The following ATXN7L1 variants were observed in gnomAD, a reference collection of about 807,000 sequenced individuals.
ATXN7L1 encodes ataxin-7-like protein 1.
A neutral mutation model predicts 70.8 loss-of-function variants in ATXN7L1; 15 were observed. The ratio of observed to expected loss-of-function variants is 0.21; its 90% CI spans 0.14 to 0.33. The LOEUF (loss-of-function observed/expected upper bound fraction) is 0.33. ATXN7L1 is among the 10% of genes least tolerant of loss of function. The pLI, the probability that ATXN7L1 is intolerant of heterozygous loss-of-function variation, is 1.00. For missense variants in ATXN7L1, 975 were observed against 1,097.1 expected (o/e 0.89, Z 1.57); for synonymous variants, 440 against 445.1 (o/e 0.99, Z 0.14).
At position 105,665,154 on chromosome 7, in the gene ATXN7L1, G is replaced by C; in HGVS notation, c.490C>G (p.Pro164Ala). 1.3e-6 allele frequency: 2 copies of C among 1,551,696 alleles called. No individual in the cohort carries two copies. The highest frequency in any genetic ancestry group is 1.2e-5 in the South Asian group (1 of 84,060). Reference protein sequence around the residue: ...GHHSASSTSKPFKTPKDNLLT... With the variant: ...GHHSASSTSKAFKTPKDNLLT... ...AGATTGTCTTTGGGCGTTTTGAATG[G>C]CTTTGAGGTGCTGCTGGCAGAGTGA... The change falls in exon 4 of 12, where the codon CCA (proline) becomes GCA (alanine). Residue 164 changes from proline to alanine, a missense_variant. Pro to Ala is a conservative substitution (Grantham distance 27). Coordinates refer to ENST00000419735, the MANE Select transcript of ATXN7L1 (RefSeq NM_020725.2).
chr7:105,651,500 A>G (rs1416504894), intron 4 of ATXN7L1, among the ~76,000 whole-genome samples: 1 of 152,136 alleles, frequency 6.6e-6, no homozygotes, highest in Non-Finnish European at 1.5e-5. Flanking sequence ...CCCACCGTGG[A>G]AGGAGGGGTG....
chr7:105,804,718 T>C (rs1486769078), intron 2 of ATXN7L1, among the ~76,000 whole-genome samples: 1 of 152,228 alleles, frequency 6.6e-6, no homozygotes, highest in Non-Finnish European at 1.5e-5. Flanking sequence ...CTAAGTGCTG[T>C]TCATTGATTG....
In ATXN7L1 at chr7:105,750,012, G is replaced by A. The variant is rs1424222133; in HGVS notation, c.355+38592C>T. Among the ~76,000 whole-genome samples, 5 of 151,800 alleles carry A rather than the reference G, an allele frequency of 3.3e-5. 1 individual carries two copies. Among genetic ancestry groups the A allele is most frequent in the East Asian group, 3.9e-4 (2 of 5,160 alleles). ...AAATCTTAATTTGCCTTTAACAGCTGTACCCCACAGGAACCTATGAGGTCT... is the reference window on the plus strand; with the variant it reads ...AAATCTTAATTTGCCTTTAACAGCTATACCCCACAGGAACCTATGAGGTCT... On this transcript the variant is annotated intron_variant, in intron 3 of 11. Coordinates refer to ENST00000419735, the MANE Select transcript of ATXN7L1 (RefSeq NM_020725.2).
chr7:105,697,516 T>C (rs1374015726), intron 3 of ATXN7L1, among the ~76,000 whole-genome samples: 1 of 152,246 alleles, frequency 6.6e-6, no homozygotes, highest in African/African-American at 2.4e-5. Context: ...TATCCTGTTC[T>C]TTTTTCAAGG....
intron 9 of ATXN7L1, chr7:105,618,246 T>C (rs953147170): frequency 3.4e-5 from 12 of 354,410 alleles, no homozygotes; most frequent in African/African-American, 2.4e-4. Context: ...GGCTGCCGTC[T>C]TGGGGAACAA....
At chr7:105,647,883 G>A (rs1185171543) in intron 4 of ATXN7L1, among the ~76,000 whole-genome samples, 1 of 152,156 alleles carries the variant, frequency 6.6e-6, no homozygotes, top group African/African-American at 2.4e-5. Context: ...GTCTGTGACT[G>A]TCTCCTAATT....
intron 2 of ATXN7L1, among the ~76,000 whole-genome samples, chr7:105,863,589 G>T (rs1401206548): frequency 2.6e-5 from 4 of 152,192 alleles, no homozygotes; most frequent in African/African-American, 9.7e-5. Flanking sequence ...CTCCTAGGAT[G>T]ACAGACATCA....
intron 4 of ATXN7L1, among the ~76,000 whole-genome samples, chr7:105,645,355 C>A (rs1353468698): frequency 6.6e-6 from 1 of 152,138 alleles, no homozygotes; most frequent in East Asian, 1.9e-4. Context: ...CTTCAATAAA[C>A]CTGACTTTAA....
At chr7:105,718,181 G>A (rs1258921175) in intron 3 of ATXN7L1, among the ~76,000 whole-genome samples, 1 of 152,146 alleles carries the variant, frequency 6.6e-6, no homozygotes, top group Non-Finnish European at 1.5e-5. Context: ...CGGCACCTTG[G>A]ATCGAGTCCT....
chr7:105,671,780 C>T (rs1413084354), intron 3 of ATXN7L1, among the ~76,000 whole-genome samples: 7 of 146,702 alleles, frequency 4.8e-5, no homozygotes, highest in Non-Finnish European at 1.0e-4. Context: ...GTCCCAGCTA[C>T]TTAGGAGGCT....
At chr7:105,777,285 C>T (rs4121452) in intron 3 of ATXN7L1, among the ~76,000 whole-genome samples, 6,360 of 152,194 alleles carry the variant, frequency 0.042, 460 homozygotes, top group African/African-American at 0.14. Context: ...AAAAATGGTG[C>T]CTGTTGGTGA....
At chr7:105,740,513 A>G (rs1055423983) in intron 3 of ATXN7L1, among the ~76,000 whole-genome samples, 1 of 152,188 alleles carries the variant, frequency 6.6e-6, no homozygotes, top group Non-Finnish European at 1.5e-5. Context: ...ACTCCCAGAG[A>G]TGCTAAACCG....
At chr7:105,720,624 A>G (rs1382030725) in intron 3 of ATXN7L1, among the ~76,000 whole-genome samples, 1 of 152,050 alleles carries the variant, frequency 6.6e-6, no homozygotes, top group Non-Finnish European at 1.5e-5. Flanking sequence ...ATCTCATTAC[A>G]TTGCCCAGGC....
intron 8 of ATXN7L1, among the ~76,000 whole-genome samples, chr7:105,622,876 C>G (rs116853793): frequency 1.2e-4 from 18 of 152,296 alleles, no homozygotes; most frequent in Non-Finnish European, 2.4e-4. Context: ...GGAGCAGCAG[C>G]TGACGTACAG....
intron 3 of ATXN7L1, among the ~76,000 whole-genome samples, chr7:105,688,645 C>T (rs1193280771): frequency 6.6e-6 from 1 of 152,210 alleles, no homozygotes; most frequent in East Asian, 1.9e-4. Flanking sequence ...GCCAATGAAG[C>T]CTTGTCTGGG....
At chr7:105,855,008 G>A (rs1815508472) in intron 2 of ATXN7L1, among the ~76,000 whole-genome samples, 1 of 149,256 alleles carries the variant, frequency 6.7e-6, no homozygotes, top group South Asian at 2.1e-4. Flanking sequence ...AGGCTGGAGT[G>A]CAGTGGTGTG....
At chr7:105,874,057 G>A (rs988157099) in intron 2 of ATXN7L1, among the ~76,000 whole-genome samples, 1 of 151,350 alleles carries the variant, frequency 6.6e-6, no homozygotes, top group South Asian at 2.1e-4. Flanking sequence ...CCCGGGAGGC[G>A]GAGGTTGCAG....
chr7:105,660,364 C>T (rs1203748637), intron 4 of ATXN7L1, among the ~76,000 whole-genome samples: 1 of 152,138 alleles, frequency 6.6e-6, no homozygotes, highest in Admixed American at 6.5e-5. Context: ...CCTCACTCCC[C>T]TACCCAGTTT....
At position 105,819,638 on chromosome 7, in the gene ATXN7L1, A is replaced by C. The variant is rs1453994408; in HGVS notation, c.251-30930T>G. 4.5e-6 allele frequency: 4 copies of C among 884,846 alleles called. No individual in the cohort carries two copies. In the East Asian group the frequency reaches 1.0e-4, roughly 23 times the overall value. 54.8% of individuals were successfully genotyped at this position (884,846 alleles called of 1,614,324 possible). ...TCATCATTTCTGGCCATTTCTACAGATACAAGTTGAAGTACCTGGTCTTCC... is the reference window on the plus strand; with the variant it reads ...TCATCATTTCTGGCCATTTCTACAGCTACAAGTTGAAGTACCTGGTCTTCC... On this transcript the variant is annotated intron_variant, in intron 2 of 11. Coordinates refer to ENST00000419735, the MANE Select transcript of ATXN7L1 (RefSeq NM_020725.2).
Sources: allele counts gnomAD v4.1 joint callset (sites outside exome capture counted in the v4.1 genomes callset), GRCh38; gene constraint gnomAD v4.1.1; transcripts MANE v1.5; gene names NCBI Gene and HGNC (gene_info 2026-07-23, HGNC 2026-07-21).